Variants in TMEM178B observed in about 807,000 individuals in gnomAD.
TMEM178B encodes transmembrane protein 178B.
TMEM178B carries 5 observed loss-of-function variants against 31.0 expected under a neutral mutation model. The observed-to-expected ratio is 0.16, with a 90% confidence interval of 0.08 to 0.34. The LOEUF (loss-of-function observed/expected upper bound fraction) is 0.34, where lower values mean the gene tolerates loss of function less well. Among genes scored for constraint, TMEM178B ranks in the 10% least tolerant of loss-of-function variants. TMEM178B has a pLI of 1.00. For synonymous variants in TMEM178B, 164 were observed against 164.0 expected, an observed-to-expected ratio of 1.00 and a Z score of 0.00; for missense variants, 275 against 400.3, an observed-to-expected ratio of 0.69 and a Z score of 2.67.
chr7:141,220,207 TGAGGCA>T (rs11279813), intron 2 of TMEM178B, among the ~76,000 whole-genome samples: 84,962 of 150,806 alleles, frequency 0.56, 25,758 homozygotes, highest in East Asian at 0.8. Context: ...CTTGGGAGGC[TGAGGCA>T]GAGGCAGGAG....
At chr7:141,328,813 C>G (rs1036994994) in intron 2 of TMEM178B, among the ~76,000 whole-genome samples, 1 of 152,188 alleles carries the variant, frequency 6.6e-6, no homozygotes, top group Non-Finnish European at 1.5e-5. Flanking sequence ...TGTTGACTTG[C>G]AAAGGGCTTT....
chr7:141,139,421 G>A (rs1795731123), intron 1 of TMEM178B, among the ~76,000 whole-genome samples: 2 of 152,116 alleles, frequency 1.3e-5, no homozygotes, highest in East Asian at 3.8e-4. Flanking sequence ...ACATAATCAT[G>A]GCTCACAGCA....
At chr7:141,078,950 G>A (rs183275867) in intron 1 of TMEM178B, among the ~76,000 whole-genome samples, 258 of 152,264 alleles carry the variant, frequency 1.7e-3, no homozygotes, top group Admixed American at 3.7e-3. Flanking sequence ...CAGTTGGGGA[G>A]CCACAACCCA....
Position 141,074,786 on chromosome 7 carries a change from A to T in TMEM178B, c.382+94A>T. ...TCTCCTTCCCAGGCCACAGGCTATC[A>T]GGTCTCTGGGTTCCAGGCGGTCCGG... is the stretch of plus-strand genomic sequence containing the variant. On this transcript the variant is annotated intron_variant, in intron 1 of 3. Transcript: ENST00000565468. The surrounding 1 kb of genome is among the most constrained non-coding windows in gnomAD (Gnocchi z 5.1). The T allele has an allele frequency of 7.0e-7, 1 of 1,422,076 alleles. No individual in the cohort carries two copies. Among genetic ancestry groups the T allele is most frequent in the Non-Finnish European group, 9.2e-7 (1 of 1,088,622 alleles). 88.1% of individuals were successfully genotyped at this position (1,422,076 alleles called of 1,614,324 possible).
intron 1 of TMEM178B, among the ~76,000 whole-genome samples, chr7:141,117,293 G>A (rs983826832): frequency 1.1e-4 from 16 of 152,032 alleles, no homozygotes; most frequent in Admixed American, 5.2e-4. Context: ...TCATATGTTT[G>A]TTGACCACAT....
At chr7:141,319,808 G>T (rs1271419098) in intron 2 of TMEM178B, among the ~76,000 whole-genome samples, 4 of 152,166 alleles carry the variant, frequency 2.6e-5, no homozygotes. Context: ...AAGCGTGCTT[G>T]GGTTAGAATC....
chr7:141,076,940 A>C (rs1224400514), intron 1 of TMEM178B, among the ~76,000 whole-genome samples: 9 of 152,198 alleles, frequency 5.9e-5, no homozygotes, highest in Admixed American at 5.9e-4. Context: ...CAGCCTTACA[A>C]ATCTTGAGAG....
intron 2 of TMEM178B, among the ~76,000 whole-genome samples, chr7:141,328,053 C>A (rs1799225350): frequency 6.6e-6 from 1 of 152,192 alleles, no homozygotes. Context: ...AGGATCTTAA[C>A]TGGACCTGGT....
chr7:141,157,015 C>T (rs749189280), intron 1 of TMEM178B, among the ~76,000 whole-genome samples: 7 of 152,188 alleles, frequency 4.6e-5, no homozygotes, highest in Non-Finnish European at 7.3e-5. Context: ...CACCCAGCTC[C>T]CAGCTTTCAG....
the TMEM178B span, among the ~76,000 whole-genome samples, chr7:141,509,555 T>G: frequency 6.6e-6 from 1 of 152,022 alleles, no homozygotes; most frequent in Non-Finnish European, 1.5e-5. Context: ...GAGGCTGAGG[T>G]AGCAGAATCG....
intron 2 of TMEM178B, among the ~76,000 whole-genome samples, chr7:141,337,274 T>C (rs201301419): frequency 4.0e-4 from 33 of 82,724 alleles, no homozygotes; most frequent in East Asian, 8.2e-4. Flanking sequence ...ACCACCACCA[T>C]CACCACTACC....
At chr7:141,468,827 T>C (rs1432138422) in intron 3 of TMEM178B, among the ~76,000 whole-genome samples, 1 of 152,212 alleles carries the variant, frequency 6.6e-6, no homozygotes, top group Admixed American at 6.5e-5. Flanking sequence ...ACTTCCAGTC[T>C]GTGGCGAAGT....
intron 2 of TMEM178B, among the ~76,000 whole-genome samples, chr7:141,370,116 AGT>A (rs79962567): frequency 0.36 from 55,156 of 151,664 alleles, 10,242 homozygotes; most frequent in African/African-American, 0.41. Context: ...GAACCCCCCA[AGT>A]GTGTGTGACT....
intron 1 of TMEM178B, among the ~76,000 whole-genome samples, chr7:141,206,689 A>G (rs6962951): frequency 0.66 from 100,549 of 151,984 alleles, 33,714 homozygotes; most frequent in Middle Eastern, 0.7. Context: ...CATACCAGCT[A>G]CTTCTGTTGC....
chr7:141,316,470 A>G (rs1799006911), intron 2 of TMEM178B, among the ~76,000 whole-genome samples: 1 of 152,168 alleles, frequency 6.6e-6, no homozygotes. Flanking sequence ...TTGATTTATG[A>G]TGATTATAAG....
chr7:141,322,363 T>TAAA (rs57989369), intron 2 of TMEM178B, among the ~76,000 whole-genome samples: 1 of 134,426 alleles, frequency 7.4e-6, no homozygotes. Flanking sequence ...CCCATCTTAC[T>TAAA]AAAAAAAAAA....
At chr7:141,187,689 C>T (rs1796632619) in intron 1 of TMEM178B, among the ~76,000 whole-genome samples, 2 of 152,176 alleles carry the variant, frequency 1.3e-5, no homozygotes, top group Admixed American at 6.5e-5. Context: ...TCTCTGATGG[C>T]CAGTGATGAT....
intron 2 of TMEM178B, among the ~76,000 whole-genome samples, chr7:141,412,527 C>T (rs1033668931): frequency 6.6e-6 from 1 of 152,218 alleles, no homozygotes; most frequent in East Asian, 1.9e-4. Context: ...GTTGACAACA[C>T]AATTCATGAT....
intron 3 of TMEM178B, among the ~76,000 whole-genome samples, chr7:141,458,573 G>C (rs1189256205): frequency 6.6e-6 from 1 of 152,156 alleles, no homozygotes; most frequent in Non-Finnish European, 1.5e-5. Context: ...AACCTGGGGT[G>C]GGATTGAAGG....
Sources: gnomAD v4.1 joint callset for allele counts (sites outside exome capture counted in the v4.1 genomes callset) on GRCh38, gnomAD v4.1.1 for gene constraint, Gnocchi (gnomAD v3.1) non-coding constraint, MANE v1.5 for transcripts, NCBI Gene and HGNC (gene_info 2026-07-23, HGNC 2026-07-21) for gene names.